Variants in ATG7 observed in about 807,000 individuals in gnomAD.
The protein encoded by ATG7 is ubiquitin-like modifier-activating enzyme ATG7.
A neutral mutation model predicts 82.4 loss-of-function variants in ATG7; 70 were observed. The observed-to-expected ratio is 0.85, with a 90% confidence interval of 0.70 to 1.04. The LOEUF (loss-of-function observed/expected upper bound fraction) is 1.04. Among genes scored for constraint, ATG7 ranks in the 50% least tolerant of loss-of-function variants. The pLI, the probability that ATG7 is intolerant of heterozygous loss-of-function variation, is 0.00. For missense variants in ATG7, 792 were observed against 864.3 expected, an observed-to-expected ratio of 0.92 and a Z score of 1.05; for synonymous variants, 287 against 313.0, an observed-to-expected ratio of 0.92 and a Z score of 0.88.
At chr3:11,461,198 A>T (rs1337500271) in intron 20 of ATG7, among the ~76,000 whole-genome samples, 2 of 152,210 alleles carry the variant, frequency 1.3e-5, no homozygotes, top group Non-Finnish European at 2.9e-5. Flanking sequence ...AATGAAGTGG[A>T]AAAATAAGAA....
At chr3:11,490,619 C>A (rs1354319837) in intron 20 of ATG7, among the ~76,000 whole-genome samples, 1 of 152,194 alleles carries the variant, frequency 6.6e-6, no homozygotes, top group Non-Finnish European at 1.5e-5. Flanking sequence ...CCGGTTGTTC[C>A]TTTCCATGTT....
intron 20 of ATG7, among the ~76,000 whole-genome samples, chr3:11,537,526 C>T (rs1343538974): frequency 6.6e-6 from 1 of 152,136 alleles, no homozygotes; most frequent in African/African-American, 2.4e-5. Flanking sequence ...TTCATAGAGC[C>T]CCATTTTCCT....
chr3:11,510,169 C>T, intron 20 of ATG7: 1 of 456,286 alleles, frequency 2.2e-6, no homozygotes, highest in Non-Finnish European at 4.4e-6. Context: ...AATCATATAT[C>T]TTTACCCCCT....
intron 19 of ATG7, among the ~76,000 whole-genome samples, chr3:11,404,989 T>C (rs2080195205): frequency 6.6e-6 from 1 of 152,206 alleles, no homozygotes; most frequent in Non-Finnish European, 1.5e-5. Flanking sequence ...ATTTTCTAGA[T>C]TCTTAAGAAT....
intron 20 of ATG7, among the ~76,000 whole-genome samples, chr3:11,538,950 A>C (rs1303688041): frequency 6.6e-6 from 1 of 152,032 alleles, no homozygotes; most frequent in African/African-American, 2.4e-5. Flanking sequence ...ACACCTACCT[A>C]AGATGTCCTC....
rs529705178 is a variant in ATG7 at position 11,468,840 on chromosome 3, T to C, written c.2079+41914T>C. Among the ~76,000 whole-genome samples, 5 of 152,338 alleles carry C rather than the reference T, an allele frequency of 3.3e-5. No homozygotes were observed. In the South Asian group the frequency reaches 8.3e-4, roughly 25 times the overall value. ...CTCTCAACAGATACCATCTTTGGTC[T>C]AAAATAGATTTGGAACCATGACCCT... On this transcript the variant is annotated intron_variant, in intron 20 of 20. Transcript: ENST00000693202.
intron 20 of ATG7, among the ~76,000 whole-genome samples, chr3:11,451,707 C>T (rs1576502431): frequency 6.7e-6 from 1 of 149,192 alleles, no homozygotes; most frequent in African/African-American, 2.5e-5. Context: ...AGATTTTATA[C>T]GAATTTGTAA....
At chr3:11,316,922 C>T (rs1332511518) in intron 9 of ATG7, among the ~76,000 whole-genome samples, 1 of 152,124 alleles carries the variant, frequency 6.6e-6, no homozygotes, top group African/African-American at 2.4e-5. Context: ...TTAGCCTGAA[C>T]TTAGGATGAC....
chr3:11,532,282 G>GACA (rs2092707782), intron 20 of ATG7, among the ~76,000 whole-genome samples: 2 of 152,204 alleles, frequency 1.3e-5, no homozygotes, highest in African/African-American at 4.8e-5. Flanking sequence ...TGATCTCAAG[G>GACA]AGCCGGCACA....
At chr3:11,402,697 C>G (rs950911026) in intron 19 of ATG7, among the ~76,000 whole-genome samples, 3 of 152,184 alleles carry the variant, frequency 2.0e-5, no homozygotes, top group African/African-American at 7.2e-5. Context: ...AATCAACTGT[C>G]AGATGCTGCT....
chr3:11,418,065 C>T (rs1488237256), intron 19 of ATG7, among the ~76,000 whole-genome samples: 7 of 151,662 alleles, frequency 4.6e-5, no homozygotes, highest in African/African-American at 1.7e-4. Context: ...CCCGCCTCGG[C>T]CTCCCAAAGT....
intron 20 of ATG7, among the ~76,000 whole-genome samples, chr3:11,499,782 T>C (rs1350839574): frequency 6.7e-6 from 1 of 149,934 alleles, no homozygotes; most frequent in African/African-American, 2.5e-5. Flanking sequence ...AAATCTAAAA[T>C]ATCCCATGGT....
intron 20 of ATG7, among the ~76,000 whole-genome samples, chr3:11,497,321 G>A (rs1241442323): frequency 4.5e-5 from 6 of 132,788 alleles, no homozygotes; most frequent in Non-Finnish European, 6.4e-5. Context: ...AGGCCAGCCT[G>A]GTCAACATAG....
intron 20 of ATG7, among the ~76,000 whole-genome samples, chr3:11,549,568 C>T (rs1311525276): frequency 6.6e-6 from 1 of 152,194 alleles, no homozygotes; most frequent in Admixed American, 6.5e-5. Context: ...TATGTGTTGT[C>T]GCACCCATCA....
chr3:11,299,510 G>T, intron 5 of ATG7, 94 bp downstream of exon 5: 4 of 1,327,524 alleles, frequency 3.0e-6, no homozygotes, highest in Non-Finnish European at 2.1e-6. Context: ...ACCACAGGAG[G>T]ACTAGGGAAG....
intron 20 of ATG7, among the ~76,000 whole-genome samples, chr3:11,480,379 C>A (rs777208030): frequency 9.2e-5 from 14 of 152,084 alleles, no homozygotes; most frequent in South Asian, 4.1e-4. Context: ...TCTACAAAAA[C>A]ATTTAAGATT....
At chr3:11,502,354 C>T (rs1559761450) in intron 20 of ATG7, among the ~76,000 whole-genome samples, 4 of 141,662 alleles carry the variant, frequency 2.8e-5, no homozygotes, top group Admixed American at 1.4e-4. Flanking sequence ...AGGTATATCT[C>T]CCAATGCTAT....
At chr3:11,365,354 A>T (rs531441533) in intron 18 of ATG7, among the ~76,000 whole-genome samples, 145 of 152,330 alleles carry the variant, frequency 9.5e-4, no homozygotes, top group African/African-American at 3.1e-3. Flanking sequence ...GTCTTTTCAG[A>T]AAAAGAATCC....
intron 4 of ATG7, chr3:11,299,077 T>G (rs1342773664): frequency 2.6e-5 from 16 of 606,926 alleles, no homozygotes; most frequent in Non-Finnish European, 3.9e-5. Flanking sequence ...AAATTATTAA[T>G]CCAAATAATA....
Sources: allele counts gnomAD v4.1 joint callset (sites outside exome capture counted in the v4.1 genomes callset), GRCh38; gene constraint gnomAD v4.1.1; transcripts MANE v1.5; gene names NCBI Gene and HGNC (gene_info 2026-07-23, HGNC 2026-07-21).